HFM1: variants seen among roughly 807,000 people sequenced by gnomAD.
HFM1 encodes the protein probable ATP-dependent DNA helicase HFM1.
In HFM1, 169 loss-of-function variants were observed where a neutral mutation model predicts 192.1. The observed-to-expected ratio is 0.88, with a 90% CI of 0.78 to 1.00. The LOEUF is 1.00. Among genes scored for constraint, HFM1 ranks in the 50% least tolerant of loss-of-function variants. HFM1 has a pLI of 0.00. For synonymous variants in HFM1, 525 were observed against 537.8 expected, an observed-to-expected ratio of 0.98 and a Z score of 0.33; for missense variants, 1,661 against 1,668.0, an observed-to-expected ratio of 1.00 and a Z score of 0.07.
chr1:91,407,493 C>A (rs1329339546), upstream of HFM1, among the ~76,000 whole-genome samples: 2 of 152,076 alleles, frequency 1.3e-5, no homozygotes, highest in African/African-American at 4.8e-5. Flanking sequence ...TGGGATCATA[C>A]AATATTTGTT....
rs1653251837 is a variant in HFM1, at chr1:91,328,370, T to G, written c.2336-3604A>C. The G allele has an allele frequency of 2.6e-6, 4 of 1,564,396 alleles. No individual in the cohort carries two copies. In the Admixed American group the frequency reaches 7.2e-5, roughly 28 times the overall value. On this transcript the variant is annotated intron_variant, in intron 20 of 38. Coordinates refer to ENST00000370425, the MANE Select transcript of HFM1 (RefSeq NM_001017975.6). ...TGTCCCAAAGGCCAGTCATCCCTCC[T>G]CTGTGTTGCCATGGGTATTCAAGGC...
chr1:91,342,514 A>G (rs1230975982), intron 20 of HFM1, among the ~76,000 whole-genome samples: 1 of 152,168 alleles, frequency 6.6e-6, no homozygotes, highest in African/African-American at 2.4e-5. Context: ...AATTTATTAC[A>G]CTTAGTTCAT....
intron 2 of HFM1, among the ~76,000 whole-genome samples, chr1:91,398,689 CT>C (rs796960469): frequency 0.032 from 4,697 of 144,978 alleles, 233 homozygotes; most frequent in African/African-American, 0.11. Flanking sequence ...CTCTCCTCAT[CT>C]TTTTTTTTTT....
intron 30 of HFM1, among the ~76,000 whole-genome samples, chr1:91,300,422 TA>T (rs1648541264): frequency 6.6e-6 from 1 of 152,204 alleles, no homozygotes. Flanking sequence ...GAATCCTCCC[TA>T]ACTCATTTTA....
chr1:91,343,317 G>A (rs551081487), intron 20 of HFM1, 113 bp downstream of exon 20: 37 of 454,434 alleles, frequency 8.1e-5, no homozygotes, highest in African/African-American at 8.0e-4. Context: ...ATACCCTGTT[G>A]AGAACTGAGA....
intron 7 of HFM1, 74 bp from the exon 8 acceptor site, chr1:91,380,310 A>T (rs1017538697): frequency 3.2e-6 from 3 of 932,658 alleles, no homozygotes; most frequent in Non-Finnish European, 4.6e-6. Context: ...TTAAAAAAAA[A>T]GTCTTAGTAA....
intron 30 of HFM1, among the ~76,000 whole-genome samples, chr1:91,301,152 G>A (rs1206861074): frequency 4.6e-5 from 7 of 151,822 alleles, no homozygotes; most frequent in Non-Finnish European, 8.8e-5. Flanking sequence ...CAGACAAACA[G>A]AGCCAAATCA....
intron 34 of HFM1, among the ~76,000 whole-genome samples, chr1:91,270,243 A>G (rs996734935): frequency 1.3e-5 from 2 of 152,150 alleles, no homozygotes; most frequent in Non-Finnish European, 2.9e-5. Context: ...AGGCAAAATA[A>G]TTAAGATTTG....
intron 20 of HFM1, among the ~76,000 whole-genome samples, chr1:91,332,552 T>G (rs1287767299): frequency 6.6e-6 from 1 of 152,074 alleles, no homozygotes; most frequent in Non-Finnish European, 1.5e-5. Flanking sequence ...GGGCAAAAAT[T>G]TCTTGAGTAA....
In HFM1 at chr1:91,277,898, C is replaced by A. The variant is rs1473219965; in HGVS notation, c.3392-836G>T. ...AATATATACTTATATATTATATATG[C>A]TTATATATAATATATACACTAATAT... On this transcript the variant is annotated intron_variant, in intron 30 of 38. Transcript: ENST00000370425. 1.8e-4 allele frequency among the ~76,000 whole-genome samples: 3 copies of A among 16,306 alleles called. 1 individual carries two copies. The highest frequency in any genetic ancestry group is 7.0e-4 in the African/African-American group (3 of 4,260). The allele number at this position is 16,306 out of a possible 152,430, so 10.7% of individuals were successfully genotyped here. A position where few individuals can be genotyped will look rare whatever the true frequency, so the allele number is the denominator to read the frequency against.
intron 30 of HFM1, among the ~76,000 whole-genome samples, chr1:91,297,608 T>C (rs1323210450): frequency 6.6e-6 from 1 of 152,162 alleles, no homozygotes; most frequent in Non-Finnish European, 1.5e-5. Context: ...AGAGGAACGA[T>C]CAGGCAGCAA....
intron 30 of HFM1, among the ~76,000 whole-genome samples, chr1:91,304,094 A>T (rs1649253729): frequency 6.6e-6 from 1 of 152,064 alleles, no homozygotes; most frequent in African/African-American, 2.4e-5. Context: ...ACCTCAAGTG[A>T]TCTACCCGCC....
intron 13 of HFM1, among the ~76,000 whole-genome samples, chr1:91,357,983 T>C (rs1408797699): frequency 2.6e-5 from 4 of 152,158 alleles, no homozygotes; most frequent in African/African-American, 7.2e-5. Flanking sequence ...TGTTGATGGA[T>C]TGAAAGAATT....
intron 30 of HFM1, among the ~76,000 whole-genome samples, chr1:91,312,199 G>A (rs1206541706): frequency 6.6e-6 from 1 of 152,190 alleles, no homozygotes; most frequent in Non-Finnish European, 1.5e-5. Context: ...AGAGTCTCTA[G>A]TGGGGTGCTG....
chr1:91,353,118 A>G lies in HFM1; in HGVS notation c.1764T>C (p.Ala588=). The change falls in exon 15 of 39, where the codon GCT becomes GCC. Residue 588 remains alanine, a synonymous_variant. Transcript: ENST00000370425. ...ILKDGAAYHH[A]GMELSDRKVV... is the part of the protein sequence containing the mutation. ...CTTTTCTATCTGACAGCTCCATACC[A>G]GCATGATGATAAGCAGCACCATCTT... 2 of 1,611,146 alleles carry G rather than the reference A, an allele frequency of 1.2e-6. No homozygotes were observed. The highest frequency in any genetic ancestry group is 1.7e-6 in the Non-Finnish European group (2 of 1,177,910).
rs778605660 is a variant in HFM1 at position 91,394,098 on chromosome 1, C to T, written c.489G>A (p.Arg163=). Residue 163 remains arginine, a synonymous_variant, in exon 4 of 39, where the codon CGG becomes CGA. Coordinates refer to ENST00000370425, the MANE Select transcript of HFM1 (RefSeq NM_001017975.6). ...AGTTTAATTATAATAATTACCTTTT[C>T]CGGAATACTGATGTGCTCTCTCCTT... ...EDKGESTSVF[R]KRLFKISDNI... 54 of 1,489,074 alleles carry T rather than the reference C, an allele frequency of 3.6e-5. 1 individual carries two copies. In the African/African-American group the frequency reaches 7.0e-4, roughly 19 times the overall value. The allele number at this position is 1,489,074 out of a possible 1,614,324, so 92.2% of individuals were successfully genotyped here.
chr1:91,344,439 A>T (rs1406963763), intron 19 of HFM1, among the ~76,000 whole-genome samples: 2 of 152,184 alleles, frequency 1.3e-5, no homozygotes, highest in Non-Finnish European at 2.9e-5. Flanking sequence ...CCCACTATTA[A>T]ATCAGTTCAT....
chr1:91,360,084 C>T (rs1029394501), intron 13 of HFM1, among the ~76,000 whole-genome samples: 3 of 152,174 alleles, frequency 2.0e-5, no homozygotes, highest in African/African-American at 7.2e-5. Flanking sequence ...GGGAAGTCGC[C>T]AGGCCTGCCT....
intron 30 of HFM1, among the ~76,000 whole-genome samples, chr1:91,285,522 C>G (rs1667880147): frequency 6.6e-6 from 1 of 152,088 alleles, no homozygotes; most frequent in Admixed American, 6.6e-5. Flanking sequence ...TAATCTATTG[C>G]CCCTTAATTG....
Sources: allele counts gnomAD v4.1 joint callset (sites outside exome capture counted in the v4.1 genomes callset), GRCh38; gene constraint gnomAD v4.1.1; transcripts MANE v1.5; gene names NCBI Gene and HGNC (gene_info 2026-07-23, HGNC 2026-07-21).